The following EVA1C variants were observed in gnomAD, a reference collection of about 807,000 sequenced individuals.
EVA1C encodes the protein protein eva-1 homolog C.
In EVA1C, 25 loss-of-function variants were observed where a neutral mutation model predicts 45.4. That is an observed-to-expected ratio of 0.55 (90% CI 0.40 to 0.77). The LOEUF is 0.77. Among genes scored for constraint, EVA1C ranks in the 30% least tolerant of loss-of-function variants. EVA1C has a pLI of 0.00. For synonymous variants in EVA1C, 190 were observed against 221.2 expected, an observed-to-expected ratio of 0.86 and a Z score of 1.25; for missense variants, 479 against 554.8, an observed-to-expected ratio of 0.86 and a Z score of 1.37.
At chr21:32,450,897 T>C (rs1023873748) in intron 1 of EVA1C, among the ~76,000 whole-genome samples, 4 of 152,168 alleles carry the variant, frequency 2.6e-5, no homozygotes, top group South Asian at 2.1e-4. Flanking sequence ...TTGCCACTCA[T>C]GTTAGATTTT....
At chr21:32,429,623 A>T (rs969333612) in intron 1 of EVA1C, among the ~76,000 whole-genome samples, 1 of 152,118 alleles carries the variant, frequency 6.6e-6, no homozygotes, top group African/African-American at 2.4e-5. Context: ...CAAAATGCTG[A>T]GATTACAGGT....
chr21:32,435,981 G>C (rs1318723959), intron 1 of EVA1C, among the ~76,000 whole-genome samples: 1 of 152,266 alleles, frequency 6.6e-6, no homozygotes, highest in Non-Finnish European at 1.5e-5. Flanking sequence ...TTTGTACTTT[G>C]CATGTGGGTT....
chr21:32,501,033 G>T (rs746802550), intron 5 of EVA1C, among the ~76,000 whole-genome samples: 3 of 152,038 alleles, frequency 2.0e-5, no homozygotes, highest in Non-Finnish European at 4.4e-5. Context: ...GGCTGGTCTC[G>T]AACTCCTGAC....
intron 4 of EVA1C, among the ~76,000 whole-genome samples, chr21:32,488,159 T>C (rs974007100): frequency 7.2e-5 from 11 of 152,208 alleles, no homozygotes; most frequent in Non-Finnish European, 2.9e-5. Context: ...AAGGAACTTA[T>C]ACAACTCAAC....
chr21:32,466,158 C>T (rs1029145727), intron 3 of EVA1C, among the ~76,000 whole-genome samples: 4 of 152,216 alleles, frequency 2.6e-5, no homozygotes, highest in East Asian at 1.9e-4. Flanking sequence ...CTTTGGCTCA[C>T]GCCTGTAATC....
At chr21:32,460,007 C>T (rs920422248) in intron 3 of EVA1C, among the ~76,000 whole-genome samples, 1 of 152,088 alleles carries the variant, frequency 6.6e-6, no homozygotes, top group African/African-American at 2.4e-5. Context: ...GTCAAATGAC[C>T]TTTGTAAAAT....
At chr21:32,495,471 T>C (rs553226585) in intron 5 of EVA1C, among the ~76,000 whole-genome samples, 120 of 152,286 alleles carry the variant, frequency 7.9e-4, no homozygotes, top group Admixed American at 1.5e-3. Flanking sequence ...TAAACTGATG[T>C]CACTGAGACC....
chr21:32,495,821 G>A (rs998855688), intron 5 of EVA1C, among the ~76,000 whole-genome samples: 1 of 152,206 alleles, frequency 6.6e-6, no homozygotes, highest in Non-Finnish European at 1.5e-5. Flanking sequence ...GATTTCCAGT[G>A]TGTAATCCTA....
In EVA1C at chr21:32,495,067, G is replaced by A; in HGVS notation, c.675G>A (p.Arg225=). 1 of 1,614,112 alleles carries A rather than the reference G, an allele frequency of 6.2e-7. No homozygotes were observed. Among genetic ancestry groups the A allele is most frequent in the Non-Finnish European group, 8.5e-7 (1 of 1,180,024 alleles). ...SYSALQVLSR[R]CYGKQRCKII... is the part of the protein sequence containing the mutation. Reference sequence around the variant, plus strand: ...CAGCTTTGCAAGTCCTATCCCGAAGGTGCTATGGGAAGCAGAGATGCAAAA... The same window carrying A: ...CAGCTTTGCAAGTCCTATCCCGAAGATGCTATGGGAAGCAGAGATGCAAAA... The change falls in exon 5 of 8, where the codon AGG becomes AGA. Residue 225 remains arginine, a synonymous_variant. Coordinates refer to ENST00000300255, the MANE Select transcript of EVA1C (RefSeq NM_058187.5).
chr21:32,490,157 A>G (rs1467840679), intron 4 of EVA1C, among the ~76,000 whole-genome samples: 1 of 151,944 alleles, frequency 6.6e-6, no homozygotes, highest in East Asian at 1.9e-4. Context: ...GTATATTCAT[A>G]TTGTTGTGCA....
At chr21:32,504,784 G>C (rs947162717) in intron 7 of EVA1C, among the ~76,000 whole-genome samples, 1 of 152,312 alleles carries the variant, frequency 6.6e-6, no homozygotes, top group African/African-American at 2.4e-5. Flanking sequence ...GGGTAAGCCT[G>C]TCTCAGAGGA....
intron 1 of EVA1C, among the ~76,000 whole-genome samples, chr21:32,447,695 CTTTTCTT>C (rs1415397881): frequency 6.6e-6 from 1 of 152,108 alleles, no homozygotes; most frequent in African/African-American, 2.4e-5. Flanking sequence ...CTTCCACTCA[CTTTTCTT>C]TTTTCTTTTT....
intron 1 of EVA1C, among the ~76,000 whole-genome samples, chr21:32,435,851 T>TTA (rs1368801115): frequency 9.3e-6 from 1 of 108,104 alleles, no homozygotes; most frequent in African/African-American, 3.6e-5. Context: ...TCCTTCTAAG[T>TTA]AAAGAAAAAT....
intron 7 of EVA1C, among the ~76,000 whole-genome samples, chr21:32,514,572 G>A (rs2038074868): frequency 1.3e-5 from 2 of 152,174 alleles, no homozygotes; most frequent in Admixed American, 1.3e-4. Flanking sequence ...TGGCTCCTGA[G>A]CCCCTCTGCT....
intron 7 of EVA1C, among the ~76,000 whole-genome samples, chr21:32,506,100 T>C (rs1441872501): frequency 2.6e-5 from 4 of 151,876 alleles, no homozygotes; most frequent in Non-Finnish European, 5.9e-5. Context: ...AAATTAGCTT[T>C]CCTCCATCTC....
At chr21:32,444,466 G>A (rs1260529857) in intron 1 of EVA1C, among the ~76,000 whole-genome samples, 1 of 152,142 alleles carries the variant, frequency 6.6e-6, no homozygotes, top group Non-Finnish European at 1.5e-5. Context: ...TATTATAAAG[G>A]CTATTACAAA....
At chr21:32,449,578 A>G (rs2035499594) in intron 1 of EVA1C, among the ~76,000 whole-genome samples, 1 of 148,406 alleles carries the variant, frequency 6.7e-6, no homozygotes, top group Non-Finnish European at 1.5e-5. Flanking sequence ...ATAACATTCC[A>G]TTGTCTGGAT....
intron 1 of EVA1C, among the ~76,000 whole-genome samples, chr21:32,422,400 G>C (rs945118605): frequency 6.6e-6 from 1 of 152,134 alleles, no homozygotes; most frequent in Non-Finnish European, 1.5e-5. Context: ...AAAGAAAGTA[G>C]GGAAAAGGAG....
At chr21:32,509,217 T>C (rs1347755123) in intron 7 of EVA1C, among the ~76,000 whole-genome samples, 5 of 152,186 alleles carry the variant, frequency 3.3e-5, no homozygotes, top group African/African-American at 1.2e-4. Context: ...CTGACCAACA[T>C]CTGGTGAGTT....
Sources: gnomAD v4.1 joint callset for allele counts (sites outside exome capture counted in the v4.1 genomes callset) on GRCh38, gnomAD v4.1.1 for gene constraint, MANE v1.5 for transcripts, NCBI Gene and HGNC (gene_info 2026-07-23, HGNC 2026-07-21) for gene names.